The following AK9 variants were observed in gnomAD, a reference collection of about 807,000 sequenced individuals.
AK9 encodes adenylate kinase 9.
AK9 carries 191 observed loss-of-function variants against 239.6 expected under a neutral mutation model. The ratio of observed to expected loss-of-function variants is 0.80; its 90% CI spans 0.71 to 0.90. The LOEUF is 0.90. Ranked by LOEUF, AK9 falls within the 40% of genes least tolerant of loss-of-function variation. The pLI, the probability that AK9 is intolerant of heterozygous loss-of-function variation, is 0.00. For synonymous variants in AK9, 689 were observed against 721.0 expected, an observed-to-expected ratio of 0.96 and a Z score of 0.71; for missense variants, 1,995 against 2,214.7, an observed-to-expected ratio of 0.90 and a Z score of 1.99.
In AK9 at chr6:109,586,069, T is replaced by C. The variant is rs1303886690; in HGVS notation, c.1846A>G (p.Met616Val). Reference protein sequence around the residue: ...EILQEVLGEVMEENKDRFPGA... With the variant: ...EILQEVLGEVVEENKDRFPGA... ...GGAAACCTATCCTTGTTTTCTTCCA[T>C]TACCTGTGAAAAATTGTACACTGAT... is the stretch of plus-strand genomic sequence containing the variant. The change falls in exon 18 of 41, where the codon ATG (methionine) becomes GTG (valine). Residue 616 changes from methionine to valine, a missense_variant. Coordinates refer to ENST00000424296, the MANE Select transcript of AK9 (RefSeq NM_001145128.3). The C allele has an allele frequency of 2.6e-6, 4 of 1,549,492 alleles. No homozygotes were observed. Among genetic ancestry groups the C allele is most frequent in the East Asian group, 2.4e-5 (1 of 40,866 alleles).
intron 27 of AK9, among the ~76,000 whole-genome samples, 175 bp downstream of exon 27, chr6:109,541,872 C>T (rs191186262): frequency 2.6e-5 from 4 of 152,244 alleles, no homozygotes; most frequent in East Asian, 1.9e-4. Context: ...GTCCTGCAAT[C>T]GGTATTTTTA....
intron 21 of AK9, among the ~76,000 whole-genome samples, chr6:109,566,400 T>G (rs1159142953): frequency 2.0e-5 from 3 of 152,128 alleles, no homozygotes; most frequent in Non-Finnish European, 4.4e-5. Context: ...GATCCAAAGA[T>G]TCAGATGAAA....
intron 28 of AK9, among the ~76,000 whole-genome samples, chr6:109,530,623 C>A (rs967631879): frequency 6.6e-6 from 1 of 152,166 alleles, no homozygotes; most frequent in Non-Finnish European, 1.5e-5. Context: ...TCCTTTCACT[C>A]AAATAGTCAG....
intron 1 of AK9, among the ~76,000 whole-genome samples, chr6:109,686,103 G>A (rs1487644673): frequency 6.6e-6 from 1 of 152,142 alleles, no homozygotes; most frequent in South Asian, 2.1e-4. Context: ...TTCACTTAGA[G>A]CAGTGACAGT....
intron 9 of AK9, among the ~76,000 whole-genome samples, chr6:109,643,556 T>C (rs1247234603): frequency 2.0e-5 from 3 of 152,222 alleles, no homozygotes; most frequent in African/African-American, 7.2e-5. Context: ...TTAGTTTTTT[T>C]CCTTGCTTGG....
chr6:109,610,945 G>T (rs888789459), intron 16 of AK9, among the ~76,000 whole-genome samples: 1 of 152,166 alleles, frequency 6.6e-6, no homozygotes, highest in African/African-American at 2.4e-5. Flanking sequence ...TGGAGGGGAT[G>T]GAGAAAAGGT....
chr6:109,684,569 C>T (rs1249847264), intron 1 of AK9, among the ~76,000 whole-genome samples: 2 of 151,720 alleles, frequency 1.3e-5, no homozygotes, highest in Non-Finnish European at 2.9e-5. Context: ...AAACAAACAA[C>T]CCCATCAAAA....
Position 109,538,564 on chromosome 6 carries a change from G to A in AK9, c.3350+3483C>T, listed in dbSNP as rs558944183. Among the ~76,000 whole-genome samples the A allele has an allele frequency of 2.6e-5, 4 of 151,946 alleles. 1 individual carries two copies. The highest frequency in any genetic ancestry group is 2.6e-4 in the Admixed American group (4 of 15,278). On this transcript the variant is annotated intron_variant, in intron 27 of 40. Transcript: ENST00000424296. Reference sequence around the variant, plus strand: ...TGGGTCTTGACTCTTTATCCAATTTGCCAGTCTGTGTCTTTTAATTGGAGC... The same window carrying A: ...TGGGTCTTGACTCTTTATCCAATTTACCAGTCTGTGTCTTTTAATTGGAGC...
At chr6:109,537,874 T>C (rs1470892068) in intron 27 of AK9, among the ~76,000 whole-genome samples, 2 of 152,216 alleles carry the variant, frequency 1.3e-5, no homozygotes, top group African/African-American at 4.8e-5. Flanking sequence ...CCAGTAGTCA[T>C]TCAGGAGCAG....
intron 13 of AK9, among the ~76,000 whole-genome samples, chr6:109,615,254 T>C (rs1794033962): frequency 8.6e-6 from 1 of 115,758 alleles, no homozygotes; most frequent in Non-Finnish European, 1.8e-5. Context: ...ATCTGTTCCC[T>C]TGGCTTTTTT....
intron 21 of AK9, 104 bp from the exon 22 acceptor site, chr6:109,564,949 T>G: frequency 1.2e-6 from 1 of 857,044 alleles, no homozygotes; most frequent in Non-Finnish European, 1.7e-6. Flanking sequence ...AAATTGTATA[T>G]GAAATGCCTA....
chr6:109,597,295 T>C (rs1390730761), intron 17 of AK9, among the ~76,000 whole-genome samples: 1 of 152,242 alleles, frequency 6.6e-6, no homozygotes, highest in South Asian at 2.1e-4. Context: ...CTATTACCAA[T>C]TGTCAAAAAC....
chr6:109,596,514 T>C (rs1791050983), intron 17 of AK9, among the ~76,000 whole-genome samples: 1 of 152,186 alleles, frequency 6.6e-6, no homozygotes, highest in African/African-American at 2.4e-5. Flanking sequence ...AGATGTGTCC[T>C]GGCATGGAGT....
intron 7 of AK9, among the ~76,000 whole-genome samples, chr6:109,658,885 A>G: frequency 6.6e-6 from 1 of 152,170 alleles, no homozygotes; most frequent in South Asian, 2.1e-4. Flanking sequence ...GTAACAGAAA[A>G]TAGACTAAGA....
intron 31 of AK9, among the ~76,000 whole-genome samples, chr6:109,515,116 T>C (rs1779143789): frequency 6.6e-6 from 1 of 152,202 alleles, no homozygotes; most frequent in Non-Finnish European, 1.5e-5. Flanking sequence ...CCTTTAGAAC[T>C]GTGAGAAAAT....
intron 33 of AK9, among the ~76,000 whole-genome samples, chr6:109,507,520 A>G (rs1778234108): frequency 2.0e-5 from 3 of 152,040 alleles, no homozygotes; most frequent in Admixed American, 2.0e-4. Flanking sequence ...AATTTAAACT[A>G]GTTCAATAGG....
chr6:109,589,206 T>C (rs1312465482), intron 17 of AK9, among the ~76,000 whole-genome samples: 1 of 152,216 alleles, frequency 6.6e-6, no homozygotes, highest in African/African-American at 2.4e-5. Flanking sequence ...TTCTGATCCA[T>C]GAACATGGTA....
chr6:109,530,749 G>A (rs944096430), intron 28 of AK9, among the ~76,000 whole-genome samples: 2 of 152,160 alleles, frequency 1.3e-5, no homozygotes, highest in African/African-American at 4.8e-5. Context: ...CTCCACTCTA[G>A]AGGTGAGTTA....
chr6:109,607,604 G>A (rs533545464), intron 17 of AK9, among the ~76,000 whole-genome samples: 1 of 152,206 alleles, frequency 6.6e-6, no homozygotes, highest in East Asian at 1.9e-4. Context: ...TATCTGTGAG[G>A]GTCATGGAAA....
Sources: allele counts gnomAD v4.1 joint callset (sites outside exome capture counted in the v4.1 genomes callset), GRCh38; gene constraint gnomAD v4.1.1; transcripts MANE v1.5; gene names NCBI Gene and HGNC (gene_info 2026-07-23, HGNC 2026-07-21).